Variants in GALNT17 observed in about 807,000 individuals in gnomAD.
GALNT17 encodes polypeptide N-acetylgalactosaminyltransferase 17, also known as UDP-GalNAc:polypeptide N-acetylgalactosaminyltransferase-like 3.
In GALNT17, 29 loss-of-function variants were observed where a neutral mutation model predicts 63.7. The observed-to-expected ratio is 0.46, with a 90% confidence interval of 0.34 to 0.62. The LOEUF (loss-of-function observed/expected upper bound fraction) is 0.62. Among genes scored for constraint, GALNT17 ranks in the 20% least tolerant of loss-of-function variants. The probability of loss-of-function intolerance (pLI) is 0.01; values close to 1 mark genes in which losing one functional copy is unlikely to be tolerated. For missense variants in GALNT17, 603 were observed against 799.6 expected (o/e 0.75, Z 2.97); for synonymous variants, 305 against 318.3 (o/e 0.96, Z 0.45).
chr7:71,571,036 G>C (rs1327810388), intron 5 of GALNT17, among the ~76,000 whole-genome samples: 2 of 152,072 alleles, frequency 1.3e-5, no homozygotes, highest in Non-Finnish European at 2.9e-5. Flanking sequence ...GGAGGTGTGG[G>C]AATTGAGGGA....
chr7:71,477,595 A>C (rs540569920), intron 5 of GALNT17, among the ~76,000 whole-genome samples: 1 of 152,292 alleles, frequency 6.6e-6, no homozygotes, highest in East Asian at 1.9e-4. Flanking sequence ...TCAGCTACTC[A>C]AGAGGATTGC....
At chr7:71,241,975 G>A (rs1190691309) in intron 1 of GALNT17, among the ~76,000 whole-genome samples, 3 of 152,152 alleles carry the variant, frequency 2.0e-5, no homozygotes, top group Middle Eastern at 3.2e-3. Flanking sequence ...AAGAAGCATG[G>A]TGCCAGCATC....
chr7:71,351,674 T>C (rs1280252979), intron 2 of GALNT17, among the ~76,000 whole-genome samples: 1 of 152,078 alleles, frequency 6.6e-6, no homozygotes, highest in East Asian at 1.9e-4. Flanking sequence ...GGAAGGATTC[T>C]CCTCTAGAGC....
At chr7:71,613,718 C>T (rs1017801151) in intron 6 of GALNT17, among the ~76,000 whole-genome samples, 1 of 151,842 alleles carries the variant, frequency 6.6e-6, no homozygotes, top group Non-Finnish European at 1.5e-5. Flanking sequence ...CTTTGGGAGG[C>T]TGAGGCAAGA....
At chr7:71,278,001 CTTT>C (rs1026730694) in intron 1 of GALNT17, among the ~76,000 whole-genome samples, 1 of 152,116 alleles carries the variant, frequency 6.6e-6, no homozygotes, top group Non-Finnish European at 1.5e-5. Flanking sequence ...CTCCTGCTAA[CTTT>C]TTTATTTATG....
intron 1 of GALNT17, among the ~76,000 whole-genome samples, chr7:71,251,620 C>T (rs1790199757): frequency 6.6e-6 from 1 of 152,144 alleles, no homozygotes. Flanking sequence ...CTGTGTTGCC[C>T]AGGCTGGTCT....
chr7:71,584,254 G>GT (rs1448782319), intron 6 of GALNT17, among the ~76,000 whole-genome samples: 1 of 152,082 alleles, frequency 6.6e-6, no homozygotes, highest in Non-Finnish European at 1.5e-5. Flanking sequence ...TTGTCTCACT[G>GT]TTTTTTTCCC....
At chr7:71,199,143 T>C (rs1789114466) in intron 1 of GALNT17, among the ~76,000 whole-genome samples, 1 of 152,202 alleles carries the variant, frequency 6.6e-6, no homozygotes, top group Non-Finnish European at 1.5e-5. Context: ...AGCACTTCAC[T>C]GCGCTGCATG....
chr7:71,216,663 T>C (rs2116408507), intron 1 of GALNT17, among the ~76,000 whole-genome samples: 1 of 136,678 alleles, frequency 7.3e-6, no homozygotes, highest in South Asian at 2.8e-4. Flanking sequence ...CAAATACACA[T>C]ATATACACAC....
chr7:71,188,694 C>A (rs988381702), intron 1 of GALNT17, among the ~76,000 whole-genome samples: 26 of 152,212 alleles, frequency 1.7e-4, no homozygotes, highest in African/African-American at 5.8e-4. Context: ...GTTTACTCTG[C>A]TGACTGTTAC....
chr7:71,430,200 A>T (rs180963959), intron 5 of GALNT17, among the ~76,000 whole-genome samples: 2 of 152,294 alleles, frequency 1.3e-5, no homozygotes, highest in East Asian at 3.9e-4. Flanking sequence ...GTGTTTTGTT[A>T]TGAACTCAGA....
intron 5 of GALNT17, among the ~76,000 whole-genome samples, chr7:71,540,533 C>T (rs917063621): frequency 6.6e-6 from 1 of 152,070 alleles, no homozygotes; most frequent in Non-Finnish European, 1.5e-5. Flanking sequence ...AGCAGTGACT[C>T]AGCAGAACAA....
chr7:71,322,011 G>A (rs1040846637), intron 1 of GALNT17, among the ~76,000 whole-genome samples: 1 of 85,946 alleles, frequency 1.2e-5, no homozygotes, highest in Non-Finnish European at 2.3e-5. Flanking sequence ...GAGTACAGTG[G>A]CACAATCATG....
In GALNT17 at chr7:71,636,640, TC is replaced by T. The variant is rs369546706; in HGVS notation, c.1081-28769del. Among the ~76,000 whole-genome samples, 148 of 152,314 alleles carry T rather than the reference TC, an allele frequency of 9.7e-4. No homozygotes were observed. In the South Asian group the frequency reaches 0.013, roughly 14 times the overall value. ...GCAGTGAAGACCCAAGAAGGAGTTTTCCGGGTAGACTTAGCAGGCTTCTCTG... is the reference window on the plus strand; with the variant it reads ...GCAGTGAAGACCCAAGAAGGAGTTTTCGGGTAGACTTAGCAGGCTTCTCTG... On this transcript the variant is annotated intron_variant, in intron 6 of 10. Coordinates refer to ENST00000333538, the MANE Select transcript of GALNT17 (RefSeq NM_022479.3).
intron 1 of GALNT17, among the ~76,000 whole-genome samples, chr7:71,239,301 C>T (rs902263570): frequency 6.6e-6 from 1 of 150,980 alleles, no homozygotes; most frequent in Non-Finnish European, 1.5e-5. Context: ...CTGTACCCCC[C>T]CCCAAAAAAA....
intron 6 of GALNT17, among the ~76,000 whole-genome samples, chr7:71,649,861 A>T (rs1487145379): frequency 6.6e-6 from 1 of 152,194 alleles, no homozygotes; most frequent in African/African-American, 2.4e-5. Flanking sequence ...CTATGAGGGC[A>T]ATTTCAGCCT....
At chr7:71,384,206 C>T (rs1296377383) in intron 2 of GALNT17, among the ~76,000 whole-genome samples, 1 of 152,106 alleles carries the variant, frequency 6.6e-6, no homozygotes, top group East Asian at 1.9e-4. Flanking sequence ...TGTTGATTTG[C>T]ATTTCTCTAA....
chr7:71,521,546 G>T (rs1361031479), intron 5 of GALNT17, among the ~76,000 whole-genome samples: 1 of 152,220 alleles, frequency 6.6e-6, no homozygotes, highest in Non-Finnish European at 1.5e-5. Flanking sequence ...CAGCCTTTCT[G>T]CCTCCTGTGG....
chr7:71,521,418 C>T (rs944708002), intron 5 of GALNT17, among the ~76,000 whole-genome samples: 4 of 152,138 alleles, frequency 2.6e-5, no homozygotes, highest in African/African-American at 9.7e-5. Context: ...CATTCGTGTC[C>T]ATCTGTCCTG....
Sources: gnomAD v4.1 joint callset for allele counts (sites outside exome capture counted in the v4.1 genomes callset) on GRCh38, gnomAD v4.1.1 for gene constraint, MANE v1.5 for transcripts, NCBI Gene and HGNC (gene_info 2026-07-23, HGNC 2026-07-21) for gene names.